Variants in CENPW observed in about 807,000 individuals in gnomAD.
CENPW encodes cancer-up-regulated gene 2 protein.
CENPW carries 3 observed loss-of-function variants against 11.1 expected under a neutral mutation model. The observed-to-expected ratio is 0.27, with a 90% CI of 0.12 to 0.70. CENPW has a LOEUF of 0.70. Among genes scored for constraint, CENPW ranks in the 30% least tolerant of loss-of-function variants. CENPW has a pLI of 0.77. For missense variants in CENPW, 100 were observed against 105.6 expected (o/e 0.95, Z 0.23); for synonymous variants, 38 against 42.0 (o/e 0.91, Z 0.37).
chr6:126,430,587 C>T, the CENPW span, among the ~76,000 whole-genome samples: 1 of 152,130 alleles, frequency 6.6e-6, no homozygotes, highest in Non-Finnish European at 1.5e-5. Flanking sequence ...ATGCTCACTG[C>T]TTTGGGAAGA....
the CENPW span, among the ~76,000 whole-genome samples, chr6:126,479,016 A>G: frequency 6.6e-6 from 1 of 151,920 alleles, no homozygotes. Context: ...TCCTGCATAC[A>G]TTTGAGTCCC....
chr6:126,354,879 A>T, the CENPW span, among the ~76,000 whole-genome samples: 1 of 152,136 alleles, frequency 6.6e-6, no homozygotes, highest in South Asian at 2.1e-4. Flanking sequence ...GGTTTGCTCA[A>T]CTGTTGCAAT....
At chr6:126,483,172 G>A in the CENPW span, among the ~76,000 whole-genome samples, 3 of 151,640 alleles carry the variant, frequency 2.0e-5, no homozygotes, top group African/African-American at 7.3e-5. Context: ...CTGATTATTG[G>A]AAACATTTAT....
At chr6:126,482,490 C>A in the CENPW span, among the ~76,000 whole-genome samples, 1 of 151,808 alleles carries the variant, frequency 6.6e-6, no homozygotes, top group Non-Finnish European at 1.5e-5. Flanking sequence ...TTTTATATTT[C>A]ACATTTAGGT....
At chr6:126,468,142 C>G in the CENPW span, among the ~76,000 whole-genome samples, 1 of 151,938 alleles carries the variant, frequency 6.6e-6, no homozygotes, top group Admixed American at 6.6e-5. Flanking sequence ...AACTTGGGCC[C>G]GGTGCTCTGG....
chr6:126,346,685 C>G (rs1015702901), intron 2 of CENPW, among the ~76,000 whole-genome samples: 1 of 151,862 alleles, frequency 6.6e-6, no homozygotes, highest in Non-Finnish European at 1.5e-5. Context: ...AAAGAAATAC[C>G]CAAGACTGGG....
chr6:126,429,033 G>C, the CENPW span, among the ~76,000 whole-genome samples: 1 of 151,852 alleles, frequency 6.6e-6, no homozygotes, highest in Non-Finnish European at 1.5e-5. Flanking sequence ...TTGAATACAT[G>C]TTTCATTTTA....
chr6:126,361,644 T>G, the CENPW span, among the ~76,000 whole-genome samples: 3 of 152,172 alleles, frequency 2.0e-5, no homozygotes, highest in African/African-American at 7.2e-5. Context: ...GGCAGAGAGA[T>G]GACACCCTCA....
chr6:126,350,580 A>C (rs1182492649), downstream of CENPW, among the ~76,000 whole-genome samples: 2 of 152,182 alleles, frequency 1.3e-5, no homozygotes, highest in Non-Finnish European at 2.9e-5. Flanking sequence ...ACAAACATTT[A>C]GTCCATAATA....
the CENPW span, among the ~76,000 whole-genome samples, chr6:126,418,999 G>A: frequency 2.6e-5 from 4 of 151,828 alleles, no homozygotes; most frequent in African/African-American, 9.7e-5. Flanking sequence ...GTTAATGGGT[G>A]CAGCACACCA....
the CENPW span, among the ~76,000 whole-genome samples, chr6:126,373,471 A>G: frequency 8.4e-3 from 1,286 of 152,282 alleles, 16 homozygotes; most frequent in African/African-American, 0.03. Flanking sequence ...ATAACAAACT[A>G]CTCTAAAACT....
the CENPW span, among the ~76,000 whole-genome samples, chr6:126,390,370 C>T: frequency 6.6e-6 from 1 of 151,596 alleles, no homozygotes; most frequent in Non-Finnish European, 1.5e-5. Context: ...ATTTATGGAG[C>T]ACAGAAGATA....
At chr6:126,429,008 T>G in the CENPW span, among the ~76,000 whole-genome samples, 1 of 152,180 alleles carries the variant, frequency 6.6e-6, no homozygotes, top group Non-Finnish European at 1.5e-5. Context: ...GCCATCTCAA[T>G]AATTATTTAA....
chr6:126,479,635 T>C, the CENPW span, among the ~76,000 whole-genome samples: 1 of 152,050 alleles, frequency 6.6e-6, no homozygotes, highest in Admixed American at 6.6e-5. Flanking sequence ...CTTTCACATA[T>C]ATTTTCAAAT....
At chr6:126,467,057 G>A in the CENPW span, among the ~76,000 whole-genome samples, 14 of 152,236 alleles carry the variant, frequency 9.2e-5, 1 homozygote, top group Middle Eastern at 3.4e-3. Context: ...TCATTAAAAT[G>A]GCCATAATTC....
chr6:126,352,941 C>T (rs1444871265), downstream of CENPW, among the ~76,000 whole-genome samples: 1 of 151,974 alleles, frequency 6.6e-6, no homozygotes, highest in Non-Finnish European at 1.5e-5. Context: ...TAACATGCAT[C>T]ATTGACTTGT....
the CENPW span, among the ~76,000 whole-genome samples, chr6:126,379,426 T>C: frequency 1.3e-5 from 2 of 152,208 alleles, no homozygotes; most frequent in African/African-American, 4.8e-5. Context: ...TACTTGAGTG[T>C]GAAGCCTATG....
the CENPW span, among the ~76,000 whole-genome samples, chr6:126,445,359 G>GT: frequency 1.3e-5 from 2 of 151,192 alleles, no homozygotes; most frequent in South Asian, 4.2e-4. Flanking sequence ...TAGCTTCTTT[G>GT]TTTTATTGAA....
At chr6:126,340,449 G>A (rs1780280862) in intron 1 of CENPW, 50 bp downstream of exon 1, 2 of 1,613,914 alleles carry the variant, frequency 1.2e-6, no homozygotes, top group East Asian at 4.5e-5. Flanking sequence ...GGAGAGGTAA[G>A]GGCAATAACC....
Sources: gnomAD v4.1 joint callset for allele counts (sites outside exome capture counted in the v4.1 genomes callset) on GRCh38, gnomAD v4.1.1 for gene constraint, MANE v1.5 for transcripts, NCBI Gene and HGNC (gene_info 2026-07-23, HGNC 2026-07-21) for gene names.